PTPRD: variants seen among roughly 807,000 people sequenced by gnomAD.
PTPRD encodes the protein receptor-type tyrosine-protein phosphatase delta.
A neutral mutation model predicts 214.5 loss-of-function variants in PTPRD; 34 were observed. The observed-to-expected ratio is 0.16, with a 90% CI of 0.12 to 0.21. PTPRD has a LOEUF of 0.21. PTPRD is among the 10% of genes least tolerant of loss of function. PTPRD has a pLI of 1.00. For missense variants in PTPRD, 2,545 were observed against 2,398.7 expected (o/e 1.06, Z -1.27); for synonymous variants, 1,128 against 845.7 (o/e 1.33, Z -5.79).
intron 12 of PTPRD, among the ~76,000 whole-genome samples, chr9:8,643,698 A>G (rs2096626455): frequency 6.6e-6 from 1 of 152,192 alleles, no homozygotes; most frequent in African/African-American, 2.4e-5. Flanking sequence ...GAGTGTGCAC[A>G]TGTTGGGGCA....
At chr9:8,937,327 T>G (rs879900791) in intron 11 of PTPRD, among the ~76,000 whole-genome samples, 4 of 152,158 alleles carry the variant, frequency 2.6e-5, no homozygotes, top group Admixed American at 2.6e-4. Flanking sequence ...TTCACATCAG[T>G]TCACATCAGA....
chr9:8,518,295 G>A lies in PTPRD; in HGVS notation c.1096C>T (p.Leu366Phe). ...IQHKPKNSEE[L>F]YKEIDGVATT... ...GCCACCCCATCAATTTCTTTGTAAA[G>A]TTCCTCAGAGTTTTTAGGTTTATGC... The change falls in exon 21 of 46, where the codon CTT becomes TTT. Residue 366 changes from leucine to phenylalanine, a missense_variant. Physicochemically the swap from Leu to Phe is conservative, Grantham distance 22 (BLOSUM62 0). Transcript: ENST00000381196. 1 of 1,614,136 alleles carries A rather than the reference G, an allele frequency of 6.2e-7. No individual in the cohort carries two copies. The highest frequency in any genetic ancestry group is 1.1e-5 in the South Asian group (1 of 91,090).
At chr9:9,862,598 T>C (rs1387009960) in intron 5 of PTPRD, among the ~76,000 whole-genome samples, 1 of 152,100 alleles carries the variant, frequency 6.6e-6, no homozygotes, top group Non-Finnish European at 1.5e-5. Context: ...TGATTGAAAG[T>C]GAGATAAGAA....
intron 2 of PTPRD, among the ~76,000 whole-genome samples, chr9:10,482,181 C>T (rs1292316673): frequency 1.3e-5 from 2 of 151,912 alleles, no homozygotes; most frequent in Admixed American, 6.6e-5. Flanking sequence ...ACCAGCCCGG[C>T]TAACACAGTG....
intron 33 of PTPRD, 34 bp downstream of exon 33, chr9:8,460,377 C>G (rs1428412501): frequency 6.2e-7 from 1 of 1,607,634 alleles, no homozygotes; most frequent in South Asian, 1.1e-5. Context: ...AAGGCAGCCT[C>G]CAAAATTACA....
intron 9 of PTPRD, among the ~76,000 whole-genome samples, chr9:9,187,206 C>T (rs566304616): frequency 4.5e-4 from 69 of 151,936 alleles, no homozygotes; most frequent in Middle Eastern, 3.4e-3. Flanking sequence ...AACAGATTCT[C>T]ATTAGTGCAA....
chr9:9,281,839 C>A (rs34937497), intron 9 of PTPRD, among the ~76,000 whole-genome samples: 12,076 of 148,438 alleles, frequency 0.081, 532 homozygotes, highest in Middle Eastern at 0.18. Context: ...AAAAAAAAAA[C>A]TTGAAAGCAA....
intron 3 of PTPRD, among the ~76,000 whole-genome samples, chr9:10,083,562 C>T (rs2098277896): frequency 6.6e-6 from 1 of 151,922 alleles, no homozygotes; most frequent in Non-Finnish European, 1.5e-5. Context: ...TTAATGAGAA[C>T]TTAATATATA....
intron 5 of PTPRD, among the ~76,000 whole-genome samples, chr9:9,885,345 G>C (rs1461443495): frequency 6.6e-6 from 1 of 152,018 alleles, no homozygotes; most frequent in Non-Finnish European, 1.5e-5. Context: ...ATGTAAGAAA[G>C]ATTTAAGATG....
intron 3 of PTPRD, among the ~76,000 whole-genome samples, chr9:10,111,405 A>C (rs1563881494): frequency 3.3e-5 from 5 of 150,406 alleles, no homozygotes; most frequent in African/African-American, 1.2e-4. Context: ...CGCCCAGCTA[A>C]TTTTTTGTAT....
At chr9:9,328,104 T>G (rs1202188956) in intron 9 of PTPRD, among the ~76,000 whole-genome samples, 1 of 152,062 alleles carries the variant, frequency 6.6e-6, no homozygotes, top group Non-Finnish European at 1.5e-5. Context: ...TACTCTAAAC[T>G]CTGTGAATTT....
intron 4 of PTPRD, among the ~76,000 whole-genome samples, chr9:9,974,220 C>T (rs969946293): frequency 6.6e-6 from 1 of 152,090 alleles, no homozygotes; most frequent in Admixed American, 6.5e-5. Flanking sequence ...TACATAGCCT[C>T]AGTGTTTGAT....
intron 14 of PTPRD, among the ~76,000 whole-genome samples, chr9:8,570,140 G>A (rs1413211021): frequency 6.6e-6 from 1 of 152,066 alleles, no homozygotes; most frequent in African/African-American, 2.4e-5. Flanking sequence ...AAAATGGGTT[G>A]AGACCACATA....
intron 11 of PTPRD, among the ~76,000 whole-genome samples, chr9:8,820,055 C>T (rs185821177): frequency 8.5e-5 from 13 of 152,260 alleles, no homozygotes; most frequent in African/African-American, 2.6e-4. Flanking sequence ...AAATTTCATT[C>T]TCTGTTTGTA....
intron 3 of PTPRD, among the ~76,000 whole-genome samples, chr9:10,224,242 C>A (rs1173140018): frequency 6.6e-6 from 1 of 151,980 alleles, no homozygotes; most frequent in East Asian, 1.9e-4. Flanking sequence ...TTAATAACAT[C>A]TACCATATGA....
intron 22 of PTPRD, among the ~76,000 whole-genome samples, chr9:8,506,163 T>C (rs764461351): frequency 6.6e-6 from 1 of 152,226 alleles, no homozygotes; most frequent in Non-Finnish European, 1.5e-5. Context: ...GTACTACAAG[T>C]TAATTGAGAG....
intron 12 of PTPRD, among the ~76,000 whole-genome samples, chr9:8,673,541 A>T (rs2097332254): frequency 6.6e-6 from 1 of 152,218 alleles, no homozygotes; most frequent in Non-Finnish European, 1.5e-5. Flanking sequence ...TCCAGATAAC[A>T]GACAGCTGGG....
chr9:8,642,619 T>C (rs549557178), intron 12 of PTPRD, among the ~76,000 whole-genome samples: 1 of 151,942 alleles, frequency 6.6e-6, no homozygotes, highest in Admixed American at 6.6e-5. Flanking sequence ...AACAGGGCCT[T>C]TGGGGTCTGG....
chr9:8,754,178 C>T (rs1289008041), intron 11 of PTPRD, among the ~76,000 whole-genome samples: 1 of 152,154 alleles, frequency 6.6e-6, no homozygotes, highest in African/African-American at 2.4e-5. Context: ...CGATGTCAAT[C>T]TTTCCCAAGT....
Sources: gnomAD v4.1 joint callset for allele counts (sites outside exome capture counted in the v4.1 genomes callset) on GRCh38, gnomAD v4.1.1 for gene constraint, MANE v1.5 for transcripts, NCBI Gene and HGNC (gene_info 2026-07-23, HGNC 2026-07-21) for gene names.